The following SHCBP1 variants were observed in gnomAD, a reference collection of about 807,000 sequenced individuals.
The protein encoded by SHCBP1 is SHC binding and spindle associated 1.
SHCBP1 carries 60 observed loss-of-function variants against 75.1 expected under a neutral mutation model. The ratio of observed to expected loss-of-function variants is 0.80; its 90% CI spans 0.65 to 0.99. SHCBP1 has a LOEUF of 0.99. Among genes scored for constraint, SHCBP1 ranks in the 50% least tolerant of loss-of-function variants. The probability of loss-of-function intolerance (pLI) is 0.00; values close to 1 mark genes in which losing one functional copy is unlikely to be tolerated. For missense variants in SHCBP1, 709 were observed against 809.4 expected (o/e 0.88, Z 1.50); for synonymous variants, 290 against 293.2 (o/e 0.99, Z 0.11).
At chr16:46,607,183 T>C (rs1596684415) in intron 5 of SHCBP1, among the ~76,000 whole-genome samples, 1 of 152,094 alleles carries the variant, frequency 6.6e-6, no homozygotes, top group Non-Finnish European at 1.5e-5. Flanking sequence ...GGTGAAACCC[T>C]GTCTCTACTA....
At chr16:46,595,447 G>T in intron 10 of SHCBP1, 105 bp downstream of exon 10, 1 of 890,282 alleles carries the variant, frequency 1.1e-6, no homozygotes, top group Non-Finnish European at 1.9e-6. Flanking sequence ...AGAGATGACT[G>T]TCTGAAGAGA....
At chr16:46,610,399 A>G (rs977079291) in intron 4 of SHCBP1, among the ~76,000 whole-genome samples, 1 of 151,996 alleles carries the variant, frequency 6.6e-6, no homozygotes, top group Non-Finnish European at 1.5e-5. Flanking sequence ...TCAGGCACCA[A>G]ATGAGGGTCC....
At position 46,603,581 on chromosome 16, in the gene SHCBP1, C is replaced by G. The variant is rs1329956842; in HGVS notation, c.1171G>C (p.Val391Leu). The change falls in exon 8 of 13, where the codon GTA (valine) becomes CTA (leucine). Residue 391 changes from valine (V) to leucine (L), a missense_variant. Physicochemically the swap from Val to Leu is conservative, Grantham distance 32. Transcript: ENST00000303383. ...TVIVCPGHYVVHGTFSIADSI... is the reference protein window; with the variant it reads ...TVIVCPGHYVLHGTFSIADSI... ...TCAGCAATGGAGAAAGTGCCATGTA[C>G]CACATAATGGCCAGGACAAACAATA... 6.2e-7 allele frequency: 1 copy of G among 1,614,158 alleles called. No homozygotes were observed. The highest frequency in any genetic ancestry group is 8.5e-7 in the Non-Finnish European group (1 of 1,180,022).
intron 9 of SHCBP1, among the ~76,000 whole-genome samples, chr16:46,595,889 A>G (rs1965130815): frequency 6.6e-6 from 1 of 152,188 alleles, no homozygotes; most frequent in South Asian, 2.1e-4. Flanking sequence ...GAATGACTTG[A>G]CCTCAGATAC....
In SHCBP1 at chr16:46,596,956, G is replaced by A. The variant is rs138907169; in HGVS notation, c.1346-1286C>T. Among the ~76,000 whole-genome samples the A allele has an allele frequency of 4.2e-4, 64 of 152,154 alleles. No homozygotes were observed. In the East Asian group the frequency reaches 0.012, roughly 29 times the overall value. On this transcript the variant is annotated intron_variant, in intron 9 of 12. Coordinates refer to ENST00000303383, the MANE Select transcript of SHCBP1 (RefSeq NM_024745.5). ...TTCGCCAGGCTGGTCTCAAACTCCT[G>A]ACCTCAGGTGATCCACCCTCCTCGG...
chr16:46,591,169 G>T (rs565828609), intron 10 of SHCBP1, among the ~76,000 whole-genome samples: 1 of 152,250 alleles, frequency 6.6e-6, no homozygotes, highest in Admixed American at 6.5e-5. Context: ...GCCTGTTGTG[G>T]GGTGAGGGGA....
intron 5 of SHCBP1, among the ~76,000 whole-genome samples, chr16:46,605,495 G>T (rs1032310265): frequency 1.3e-5 from 2 of 152,094 alleles, no homozygotes; most frequent in African/African-American, 4.8e-5. Flanking sequence ...GGCTGAGGTG[G>T]GAGGATGGCT....
At chr16:46,595,343 C>T (rs1479313494) in intron 10 of SHCBP1, among the ~76,000 whole-genome samples, 1 of 152,134 alleles carries the variant, frequency 6.6e-6, no homozygotes, top group Non-Finnish European at 1.5e-5. Context: ...CTTAAAGCTA[C>T]ATAAAGTCAT....
intron 1 of SHCBP1, among the ~76,000 whole-genome samples, chr16:46,619,822 G>C (rs1171632107): frequency 6.6e-6 from 1 of 152,132 alleles, no homozygotes; most frequent in Non-Finnish European, 1.5e-5. Context: ...ATCACCTGAG[G>C]TTAGGAGCTC....
chr16:46,590,399 A>G (rs1965025127), intron 10 of SHCBP1, among the ~76,000 whole-genome samples: 1 of 152,202 alleles, frequency 6.6e-6, no homozygotes, highest in South Asian at 2.1e-4. Flanking sequence ...ATGCAAGAAA[A>G]TTTTTACAAT....
intron 9 of SHCBP1, among the ~76,000 whole-genome samples, 157 bp downstream of exon 9, chr16:46,599,669 TAAAAA>T (rs1555519115): frequency 1.3e-4 from 3 of 23,134 alleles, no homozygotes; most frequent in African/African-American, 5.0e-4. Flanking sequence ...CTTCAATTTG[TAAAAA>T]AAAAAAAAAA....
intron 9 of SHCBP1, among the ~76,000 whole-genome samples, chr16:46,597,282 G>A (rs1275748363): frequency 5.3e-5 from 8 of 152,168 alleles, no homozygotes; most frequent in East Asian, 1.9e-4. Context: ...GATGGCACAC[G>A]CCTGTAGTCC....
At chr16:46,617,970 G>C (rs1050834015) in intron 2 of SHCBP1, among the ~76,000 whole-genome samples, 1 of 152,198 alleles carries the variant, frequency 6.6e-6, no homozygotes. Flanking sequence ...CTGAGGTCGG[G>C]AGTTCAAGAC....
intron 8 of SHCBP1, among the ~76,000 whole-genome samples, chr16:46,602,953 T>C (rs1386073903): frequency 6.6e-6 from 1 of 152,210 alleles, no homozygotes; most frequent in Non-Finnish European, 1.5e-5. Context: ...TTTAATAGAA[T>C]CTTTCAACAT....
Position 46,618,387 on chromosome 16 carries a change from C to G in SHCBP1, c.104-15G>C, listed in dbSNP as rs772977054. 4 of 1,555,312 alleles carry G rather than the reference C, an allele frequency of 2.6e-6. No individual in the cohort carries two copies. Among genetic ancestry groups the G allele is most frequent in the Non-Finnish European group, 3.5e-6 (4 of 1,154,870 alleles). On this transcript the variant is annotated splice_polypyrimidine_tract_variant and intron_variant, in intron 1 of 12. Transcript: ENST00000303383. Reference sequence around the variant, plus strand: ...TTGGAACAAACCTAAAAAAAAAAAGCAAAAATAAGCAAGCTCCAGTGCCTT... The same window carrying G: ...TTGGAACAAACCTAAAAAAAAAAAGGAAAAATAAGCAAGCTCCAGTGCCTT...
intron 10 of SHCBP1, among the ~76,000 whole-genome samples, chr16:46,587,279 TA>T (rs1405486631): frequency 1.3e-5 from 2 of 151,902 alleles, no homozygotes; most frequent in Admixed American, 6.6e-5. Context: ...GGGCGACCAC[TA>T]AAAAAGTTAT....
intron 1 of SHCBP1, among the ~76,000 whole-genome samples, chr16:46,618,716 A>G (rs1335438150): frequency 6.6e-6 from 1 of 152,138 alleles, no homozygotes; most frequent in East Asian, 1.9e-4. Context: ...ATCATAGCTC[A>G]CCGCAACCTC....
At chr16:46,609,558 TCTC>T (rs1965376540) in intron 4 of SHCBP1, among the ~76,000 whole-genome samples, 1 of 147,234 alleles carries the variant, frequency 6.8e-6, no homozygotes, top group Non-Finnish European at 1.5e-5. Context: ...TTCGAGCAAT[TCTC>T]CTGCCTCAGC....
Position 46,578,873 on chromosome 16 carries a change from G to A in SHCBP1, c.*2856C>T, listed in dbSNP as rs1176920981. Among the ~76,000 whole-genome samples the A allele has an allele frequency of 6.6e-6, 1 of 152,034 alleles. No individual in the cohort carries two copies. Among genetic ancestry groups the A allele is most frequent in the African/African-American group, 2.4e-5 (1 of 41,382 alleles). On this transcript the variant is annotated 3_prime_UTR_variant, in exon 13 of 13. Coordinates refer to ENST00000303383, the MANE Select transcript of SHCBP1 (RefSeq NM_024745.5). Reference sequence around the variant, plus strand: ...AATTACAAAGAAACATGAACGACACGGTTCTTATGAGCTCATCAGTGTTCT... The same window carrying A: ...AATTACAAAGAAACATGAACGACACAGTTCTTATGAGCTCATCAGTGTTCT...
Sources: gnomAD v4.1 joint callset for allele counts (sites outside exome capture counted in the v4.1 genomes callset) on GRCh38, gnomAD v4.1.1 for gene constraint, MANE v1.5 for transcripts, NCBI Gene and HGNC (gene_info 2026-07-23, HGNC 2026-07-21) for gene names.